The following NPHP4 variants were observed in gnomAD, a reference collection of about 807,000 sequenced individuals.
NPHP4 encodes the protein nephrocystin-4.
In NPHP4, 151 loss-of-function variants were observed where a neutral mutation model predicts 155.8. That is an observed-to-expected ratio of 0.97 (90% CI 0.85 to 1.11). The LOEUF (loss-of-function observed/expected upper bound fraction) is 1.11, where lower values mean the gene tolerates loss of function less well. NPHP4 is among the 50% of genes least tolerant of loss of function. NPHP4 has a pLI of 0.00. For synonymous variants in NPHP4, 845 were observed against 816.8 expected, an observed-to-expected ratio of 1.03 and a Z score of -0.59; for missense variants, 1,956 against 1,925.7, an observed-to-expected ratio of 1.02 and a Z score of -0.29.
chr1:5,875,213 C>T, intron 20 of NPHP4, 113 bp from the exon 21 acceptor site: 1 of 820,418 alleles, frequency 1.2e-6, no homozygotes, highest in South Asian at 1.5e-5. Flanking sequence ...TCTCCACAAG[C>T]ATCGCCACCA....
At chr1:5,877,354 G>C in intron 19 of NPHP4, 56 bp from the exon 20 acceptor site, 1 of 1,451,384 alleles carries the variant, frequency 6.9e-7, no homozygotes, top group Non-Finnish European at 9.4e-7. Flanking sequence ...CCTTCCAGGA[G>C]CAGACACCAG....
chr1:5,978,428 G>T lies in NPHP4; in HGVS notation c.136-15C>A. ...TCCAGCACGCCCTAGGAGACAACGG[G>T]GAATTGACCCTCAAGAGTCTGAGCA... On this transcript the variant is annotated splice_polypyrimidine_tract_variant and intron_variant, in intron 2 of 29. Transcript: ENST00000378156. The T allele has an allele frequency of 1.3e-6, 2 of 1,594,738 alleles. No homozygotes were observed. The highest frequency in any genetic ancestry group is 1.1e-5 in the South Asian group (1 of 88,198).
At chr1:5,888,206 G>A (rs999322283) in intron 17 of NPHP4, 10 of 458,478 alleles carry the variant, frequency 2.2e-5, no homozygotes, top group Middle Eastern at 1.1e-3. Flanking sequence ...TCCTGACCAC[G>A]GGCTCTTCTG....
Position 5,905,496 on chromosome 1 carries a change from G to A in NPHP4, c.1764-13C>T. 2 of 1,599,460 alleles carry A rather than the reference G, an allele frequency of 1.3e-6. No individual in the cohort carries two copies. The highest frequency in any genetic ancestry group is 1.3e-5 in the African/African-American group (1 of 74,642). On this transcript the variant is annotated splice_polypyrimidine_tract_variant and intron_variant, in intron 14 of 29. Coordinates refer to ENST00000378156, the MANE Select transcript of NPHP4 (RefSeq NM_015102.5). The surrounding 1 kb of genome is among the most constrained non-coding windows in gnomAD (Gnocchi z 4.0). ...CTGCCCTGCAGAGCTGAGACACAGAGACTCCTCAGGTAGCCTCCCGGGAAA... is the reference window on the plus strand; with the variant it reads ...CTGCCCTGCAGAGCTGAGACACAGAAACTCCTCAGGTAGCCTCCCGGGAAA...
Position 5,912,556 on chromosome 1 carries a change from G to A in NPHP4, c.1442-3343C>T, listed in dbSNP as rs953322454. Among the ~76,000 whole-genome samples, 820 of 97,118 alleles carry A rather than the reference G, an allele frequency of 8.4e-3. 13 individuals are homozygous for A. The highest frequency in any genetic ancestry group is 0.035 in the African/African-American group (703 of 19,860). 63.7% of individuals were successfully genotyped at this position (97,118 alleles called of 152,430 possible). A position where few individuals can be genotyped will look rare whatever the true frequency, so the allele number is the denominator to read the frequency against. On this transcript the variant is annotated intron_variant, in intron 11 of 29. Transcript: ENST00000378156. Reference sequence around the variant, plus strand: ...CCGTCTCAAAAAAAAAAAAAAAAAAGAAAAAAGAAAAAAGAAAAATGAAAG... The same window carrying A: ...CCGTCTCAAAAAAAAAAAAAAAAAAAAAAAAAGAAAAAAGAAAAATGAAAG...
At chr1:5,930,367 T>A (rs992128288) in intron 10 of NPHP4, among the ~76,000 whole-genome samples, 2 of 152,212 alleles carry the variant, frequency 1.3e-5, no homozygotes, top group Non-Finnish European at 2.9e-5. Context: ...CTTTTTCTAG[T>A]TTCTGAAGAC....
chr1:5,900,968 G>A (rs999373215), intron 16 of NPHP4, among the ~76,000 whole-genome samples: 5 of 152,114 alleles, frequency 3.3e-5, no homozygotes, highest in South Asian at 2.1e-4. Context: ...CCAGGAGGTC[G>A]AGGCTGCCAT....
intron 19 of NPHP4, among the ~76,000 whole-genome samples, chr1:5,879,798 AACACACACACACACGCAAACAC>A (rs796734819): frequency 1.3e-5 from 1 of 75,776 alleles, no homozygotes; most frequent in African/African-American, 5.7e-5. Flanking sequence ...CACACACGCA[AACACACACACACACGCAAACAC>A]ACACACACAC....
At chr1:5,954,432 G>A (rs1056651580) in intron 6 of NPHP4, among the ~76,000 whole-genome samples, 2 of 152,210 alleles carry the variant, frequency 1.3e-5, no homozygotes, top group South Asian at 2.1e-4. Context: ...GGATCTGCAG[G>A]CAGGAACTGT....
chr1:5,873,072 C>G (rs1050250464), intron 23 of NPHP4, among the ~76,000 whole-genome samples, 180 bp downstream of exon 23: 1 of 152,176 alleles, frequency 6.6e-6, no homozygotes, highest in African/African-American at 2.4e-5. Context: ...TGTGCCAGCG[C>G]CCAGACGGAG....
Position 5,867,175 on chromosome 1 carries a change from G to A in NPHP4, c.3473-60C>T, listed in dbSNP as rs1012099157. On this transcript the variant is annotated intron_variant, in intron 24 of 29. Coordinates refer to ENST00000378156, the MANE Select transcript of NPHP4 (RefSeq NM_015102.5). This position sits in a 1 kb window ranked among gnomAD's most constrained non-coding sequence, Gnocchi z 4.1. ...CACAGCCCCAGCCTGTGTGGAGAAG[G>A]CCCCACACATTACACACTATAGGAC... is the stretch of plus-strand genomic sequence containing the variant. 4 of 1,284,642 alleles carry A rather than the reference G, an allele frequency of 3.1e-6. No homozygotes were observed. Among genetic ancestry groups the A allele is most frequent in the African/African-American group, 2.9e-5 (2 of 68,072 alleles). 79.6% of individuals were successfully genotyped at this position (1,284,642 alleles called of 1,614,324 possible). A position where few individuals can be genotyped will look rare whatever the true frequency, so the allele number is the denominator to read the frequency against.
intron 7 of NPHP4, among the ~76,000 whole-genome samples, chr1:5,948,882 C>T (rs1647346436): frequency 6.6e-6 from 1 of 152,170 alleles, no homozygotes; most frequent in African/African-American, 2.4e-5. Flanking sequence ...TGTACAGGCG[C>T]TATAACAAAT....
chr1:5,974,423 A>G (rs560189557), intron 3 of NPHP4, among the ~76,000 whole-genome samples: 1 of 152,390 alleles, frequency 6.6e-6, no homozygotes, highest in African/African-American at 2.4e-5. Context: ...CACAGTCATT[A>G]AGGAAAGAAT....
chr1:5,941,947 G>A (rs1023548615), intron 9 of NPHP4, among the ~76,000 whole-genome samples: 1 of 152,148 alleles, frequency 6.6e-6, no homozygotes, highest in Non-Finnish European at 1.5e-5. Context: ...CATAAACGAC[G>A]CCAACCCAAG....
intron 2 of NPHP4, among the ~76,000 whole-genome samples, chr1:5,983,583 G>T (rs530790154): frequency 1.3e-5 from 2 of 152,236 alleles, no homozygotes; most frequent in African/African-American, 4.8e-5. Context: ...TCCCCCATAT[G>T]CCTCCTCCCT....
rs531146941 is a variant in NPHP4 at position 5,971,356 on chromosome 1, C to A, written c.280-2097G>T. On this transcript the variant is annotated intron_variant, in intron 3 of 29. Coordinates refer to ENST00000378156, the MANE Select transcript of NPHP4 (RefSeq NM_015102.5). ...CTTTAATCAGAAGAGTCAGCCGCTCCAAGTGCAGCATGTTTGAAAAGTTCA... is the reference window on the plus strand; with the variant it reads ...CTTTAATCAGAAGAGTCAGCCGCTCAAAGTGCAGCATGTTTGAAAAGTTCA... Among the ~76,000 whole-genome samples, 39 of 152,344 alleles carry A rather than the reference C, an allele frequency of 2.6e-4. 1 individual carries two copies. The East Asian group carries it at 3.1e-3, about 12-fold the overall frequency.
rs746544225 is a variant in NPHP4 at position 5,952,854 on chromosome 1, C to T, written c.674-18G>A. ...AGCGTCGCCTGAAACAGTGAGGGTG[C>T]GAAAAGGGTCATCCTTGGGAATAAA... On this transcript the variant is annotated intron_variant, in intron 6 of 29. Transcript: ENST00000378156. 6.4e-5 allele frequency: 102 copies of T among 1,586,964 alleles called. No individual in the cohort carries two copies. The highest frequency in any genetic ancestry group is 8.0e-5 in the Non-Finnish European group (93 of 1,166,660).
chr1:5,884,375 C>T (rs868266783), intron 18 of NPHP4, among the ~76,000 whole-genome samples: 10 of 152,180 alleles, frequency 6.6e-5, no homozygotes, highest in South Asian at 4.1e-4. Context: ...TCTGTCCTGA[C>T]GCCTGCCTCC....
Position 5,988,488 on chromosome 1 carries a change from T to C in NPHP4, c.-38-2161A>G, listed in dbSNP as rs187772784. On this transcript the variant is annotated intron_variant, in intron 1 of 29. Coordinates refer to ENST00000378156, the MANE Select transcript of NPHP4 (RefSeq NM_015102.5). ...TAGTTGGTTTTTGTAAAAAATGTTT[T>C]TATGTTAACATGTCACAGCCTTATT... Among the ~76,000 whole-genome samples, 647 of 152,378 alleles carry C rather than the reference T, an allele frequency of 4.2e-3. 5 individuals carry two copies. Among genetic ancestry groups the C allele is most frequent in the African/African-American group, 0.014 (600 of 41,578 alleles).
Sources: gnomAD v4.1 joint callset for allele counts (sites outside exome capture counted in the v4.1 genomes callset) on GRCh38, gnomAD v4.1.1 for gene constraint, Gnocchi (gnomAD v3.1) non-coding constraint, MANE v1.5 for transcripts, NCBI Gene and HGNC (gene_info 2026-07-23, HGNC 2026-07-21) for gene names.